The following PSD3 variants were observed in gnomAD, a reference collection of about 807,000 sequenced individuals.
PSD3 encodes the protein pleckstrin and Sec7 domain containing 3, also known as PH and SEC7 domain-containing protein 3.
Under a neutral mutation model 105.5 loss-of-function variants are expected in PSD3, and 49 were observed. The observed-to-expected ratio is 0.46, with a 90% CI of 0.37 to 0.59. PSD3 has a LOEUF of 0.59. Among genes scored for constraint, PSD3 ranks in the 20% least tolerant of loss-of-function variants. The probability of loss-of-function intolerance (pLI) is 0.00; values close to 1 mark genes in which losing one functional copy is unlikely to be tolerated. For missense variants in PSD3, 1,561 were observed against 1,263.8 expected, an observed-to-expected ratio of 1.24 and a Z score of -3.57; for synonymous variants, 557 against 457.8, an observed-to-expected ratio of 1.22 and a Z score of -2.77.
intron 4 of PSD3, among the ~76,000 whole-genome samples, chr8:18,806,175 C>G (rs886233380): frequency 2.6e-5 from 4 of 152,138 alleles, no homozygotes; most frequent in African/African-American, 9.7e-5. Flanking sequence ...ATTTTGAGTG[C>G]ATGACAGTGG....
intron 9 of PSD3, among the ~76,000 whole-genome samples, chr8:18,742,261 G>T (rs1804632566): frequency 6.6e-6 from 1 of 152,058 alleles, no homozygotes; most frequent in Admixed American, 6.6e-5. Flanking sequence ...AAAGAAAAAA[G>T]AGAAAGAAAC....
At chr8:19,048,097 T>C (rs927401948) in intron 1 of PSD3, among the ~76,000 whole-genome samples, 3 of 152,110 alleles carry the variant, frequency 2.0e-5, no homozygotes, top group Non-Finnish European at 2.9e-5. Context: ...GGCAGACAGT[T>C]TTCAAGTCAT....
rs1805226683 is a variant in PSD3, at chr8:18,611,055, C to T, written c.2411-10621G>A. On this transcript the variant is annotated intron_variant, in intron 11 of 15. Transcript: ENST00000327040. The stretch of plus-strand genomic sequence containing the variant: ...CCCCTAAATAATTTACATATACAGG[C>T]AGTAACATAAACAATGAAAGTTAAT... 2.6e-5 allele frequency among the ~76,000 whole-genome samples: 4 copies of T among 152,064 alleles called. No homozygotes were observed. In the South Asian group the frequency reaches 8.3e-4, roughly 31 times the overall value.
At position 18,869,184 on chromosome 8, in the gene PSD3, C is replaced by T. The variant is rs534427690; in HGVS notation, c.1239-1115G>A. ...CTCCACACTCACTGCACCCCACTCT[C>T]CCCTGCTTTTTTTTTTTTTTTTTGA... On this transcript the variant is annotated intron_variant, in intron 3 of 15. Transcript: ENST00000327040. Among the ~76,000 whole-genome samples, 11 of 137,424 alleles carry T rather than the reference C, an allele frequency of 8.0e-5. No homozygotes were observed. The East Asian group carries it at 2.2e-3, about 28-fold the overall frequency. The allele number at this position is 137,424 out of a possible 152,430, so 90.2% of individuals were successfully genotyped here. A position where few individuals can be genotyped will look rare whatever the true frequency, so the allele number is the denominator to read the frequency against.
At chr8:18,682,515 G>A (rs1384607940) in intron 9 of PSD3, among the ~76,000 whole-genome samples, 1 of 152,162 alleles carries the variant, frequency 6.6e-6, no homozygotes, top group African/African-American at 2.4e-5. Context: ...AAAGGACTTT[G>A]AAGACACGTT....
At chr8:18,993,666 G>T (rs1389128843) in intron 1 of PSD3, among the ~76,000 whole-genome samples, 2 of 151,890 alleles carry the variant, frequency 1.3e-5, no homozygotes, top group African/African-American at 4.8e-5. Flanking sequence ...CTGAAAGTTT[G>T]CCTTATACAT....
chr8:18,965,296 C>T (rs1213035023), intron 1 of PSD3, among the ~76,000 whole-genome samples: 1 of 152,138 alleles, frequency 6.6e-6, no homozygotes, highest in Non-Finnish European at 1.5e-5. Context: ...CAGGTTTTGG[C>T]TACCTAAAGA....
At position 18,893,233 on chromosome 8, in the gene PSD3, G is replaced by A. The variant is rs555250229; in HGVS notation, c.131-20500C>T. On this transcript the variant is annotated intron_variant, in intron 2 of 15. Coordinates refer to ENST00000327040, the MANE Select transcript of PSD3 (RefSeq NM_015310.4). ...ATCACAGGGTGCGGGGTCAGCATGG[G>A]AGCAGGAAGCAAACAGAGGGATGGG... Among the ~76,000 whole-genome samples the A allele has an allele frequency of 1.6e-4, 25 of 152,252 alleles. No homozygotes were observed. The East Asian group carries it at 2.7e-3, about 17-fold the overall frequency.
intron 11 of PSD3, among the ~76,000 whole-genome samples, chr8:18,607,420 C>A (rs10102929): frequency 6.6e-6 from 1 of 152,034 alleles, no homozygotes; most frequent in East Asian, 1.9e-4. Context: ...GAGGGATCCA[C>A]GGTTATAACC....
At chr8:18,773,444 C>G (rs1379513868) in intron 8 of PSD3, among the ~76,000 whole-genome samples, 1 of 152,002 alleles carries the variant, frequency 6.6e-6, no homozygotes, top group Non-Finnish European at 1.5e-5. Flanking sequence ...TTTTTCAAAA[C>G]TGTTATGATT....
At chr8:18,637,175 T>C (rs1807316259) in intron 10 of PSD3, among the ~76,000 whole-genome samples, 2 of 152,228 alleles carry the variant, frequency 1.3e-5, no homozygotes, top group Non-Finnish European at 2.9e-5. Context: ...TAGAGTACAG[T>C]GTTTGTGTAC....
chr8:18,863,399 T>G (rs1236042729), intron 4 of PSD3, among the ~76,000 whole-genome samples: 6 of 152,140 alleles, frequency 3.9e-5, no homozygotes, highest in Non-Finnish European at 8.8e-5. Flanking sequence ...ACAGCACCGC[T>G]GACCCCCGGT....
At chr8:18,562,523 C>T (rs1042979822) in intron 14 of PSD3, among the ~76,000 whole-genome samples, 2 of 152,182 alleles carry the variant, frequency 1.3e-5, no homozygotes, top group African/African-American at 4.8e-5. Context: ...GCTGCCGGGT[C>T]TCCTCTGCTA....
At chr8:18,608,684 C>A (rs534468206) in intron 11 of PSD3, among the ~76,000 whole-genome samples, 17 of 152,254 alleles carry the variant, frequency 1.1e-4, no homozygotes, top group African/African-American at 3.9e-4. Flanking sequence ...GACAGTATCA[C>A]CCCTCTTTCA....
intron 15 of PSD3, 34 bp downstream of exon 15, chr8:18,556,175 A>T: frequency 6.2e-7 from 1 of 1,609,128 alleles, no homozygotes; most frequent in Non-Finnish European, 8.5e-7. Context: ...AAAACTCAGA[A>T]ATCAGCATTT....
At chr8:18,541,989 G>A (rs1361233499) in intron 15 of PSD3, among the ~76,000 whole-genome samples, 3 of 152,062 alleles carry the variant, frequency 2.0e-5, no homozygotes, top group African/African-American at 7.2e-5. Flanking sequence ...CTGACCTCAG[G>A]TGATCCTCCT....
intron 2 of PSD3, among the ~76,000 whole-genome samples, chr8:18,902,607 T>C (rs1444559464): frequency 1.3e-5 from 2 of 152,178 alleles, no homozygotes; most frequent in East Asian, 3.9e-4. Context: ...GATATCTGTG[T>C]GTTGATGTCT....
At chr8:18,599,064 G>A (rs1050599030) in intron 12 of PSD3, among the ~76,000 whole-genome samples, 1 of 152,036 alleles carries the variant, frequency 6.6e-6, no homozygotes, top group African/African-American at 2.4e-5. Flanking sequence ...AAATTTATAT[G>A]TAATCATAAA....
At chr8:19,070,442 G>A (rs1295428645) in intron 1 of PSD3, among the ~76,000 whole-genome samples, 5 of 150,632 alleles carry the variant, frequency 3.3e-5, no homozygotes, top group Non-Finnish European at 7.4e-5. Flanking sequence ...TTGGGAGGCC[G>A]AGGTTGGTAG....
Sources: gnomAD v4.1 joint callset for allele counts (sites outside exome capture counted in the v4.1 genomes callset) on GRCh38, gnomAD v4.1.1 for gene constraint, MANE v1.5 for transcripts, NCBI Gene and HGNC (gene_info 2026-07-23, HGNC 2026-07-21) for gene names.